Variants in TTC34 observed in about 807,000 individuals in gnomAD.
TTC34 encodes tetratricopeptide repeat protein 34.
A neutral mutation model predicts 40.7 loss-of-function variants in TTC34; 44 were observed. That is an observed-to-expected ratio of 1.08 (90% CI 0.85 to 1.39). The LOEUF is 1.39. Among genes scored for constraint, TTC34 ranks in the 40% most tolerant of loss-of-function variants. The pLI, the probability that TTC34 is intolerant of heterozygous loss-of-function variation, is 0.00. For synonymous variants in TTC34, 422 were observed against 398.6 expected, an observed-to-expected ratio of 1.06 and a Z score of -0.70; for missense variants, 884 against 838.0, an observed-to-expected ratio of 1.05 and a Z score of -0.68.
chr1:2,785,961 G>A, exon 5 of TTC34: 1 of 1,517,464 alleles, frequency 6.6e-7, no homozygotes, highest in Non-Finnish European at 8.9e-7. Flanking sequence ...CCTCGTGGCA[G>A]AAGACGTCCA....
Position 2,641,834 on chromosome 1 carries a change from T to C in TTC34, c.2774A>G (p.Tyr925Cys), listed in dbSNP as rs1279387781. The change falls in exon 9 of 9, where the codon TAC becomes TGC. Residue 925 changes from tyrosine to cysteine, a missense_variant. Coordinates refer to ENST00000401095, the Ensembl canonical transcript of TTC34. ...ACTGGCCAGGACAGACAGCGAACAGTAGCCCAGCGCCTGCCTGGGTTGCCC... is the reference window on the plus strand; with the variant it reads ...ACTGGCCAGGACAGACAGCGAACAGCAGCCCAGCGCCTGCCTGGGTTGCCC... The C allele has an allele frequency of 3.9e-6, 6 of 1,529,250 alleles. No individual in the cohort carries two copies. The South Asian group carries it at 4.8e-5, about 12-fold the overall frequency. 94.7% of individuals were successfully genotyped at this position (1,529,250 alleles called of 1,614,324 possible).
chr1:2,800,332 C>A (rs1388645028), exon 2 of TTC34: 2 of 398,444 alleles, frequency 5.0e-6, no homozygotes, highest in African/African-American at 2.1e-5. Flanking sequence ...GCGCTGGAGG[C>A]GAAGGCCTGG....
At chr1:2,750,192 C>A (rs1641268952) in intron 6 of TTC34, among the ~76,000 whole-genome samples, 2 of 149,952 alleles carry the variant, frequency 1.3e-5, no homozygotes, top group Admixed American at 6.6e-5. Context: ...CAGCCTGGGT[C>A]GGCACCCACA....
chr1:2,688,208 C>T (rs868134358), intron 6 of TTC34, among the ~76,000 whole-genome samples: 315 of 117,806 alleles, frequency 2.7e-3, no homozygotes, highest in Admixed American at 0.019. Context: ...GCACCCCACA[C>T]CCCCAGGGGA....
intron 6 of TTC34, among the ~76,000 whole-genome samples, chr1:2,673,379 T>A (rs1395480680): frequency 1.5e-5 from 1 of 68,198 alleles, no homozygotes; most frequent in East Asian, 3.3e-4. Context: ...TCTGAGGGCC[T>A]GGGTCGGCAC....
chr1:2,751,282 C>T lies in TTC34; in HGVS notation c.2226+32327G>A, dbSNP rs1360623399. Among the ~76,000 whole-genome samples the T allele has an allele frequency of 5.4e-4, 58 of 107,424 alleles. 2 individuals are homozygous for T. Among genetic ancestry groups the T allele is most frequent in the Middle Eastern group, 5.1e-3 (1 of 198 alleles). 70.5% of individuals were successfully genotyped at this position (107,424 alleles called of 152,430 possible). On this transcript the variant is annotated intron_variant, in intron 6 of 8. Coordinates refer to ENST00000401095, the Ensembl canonical transcript of TTC34. The stretch of plus-strand genomic sequence containing the variant: ...GCATCCGACAGCCTGGAACAGCACC[C>T]ACACACCCAGGTGAGCATCCGACAC...
chr1:2,749,948 TGGAACAGCACACACACCGCCA>T, intron 6 of TTC34, among the ~76,000 whole-genome samples: 1 of 57,282 alleles, frequency 1.7e-5, no homozygotes, highest in African/African-American at 1.0e-4. Context: ...TCTGACGGCC[TGGAACAGCACACACACCGCCA>T]GGTGAGCATT....
chr1:2,641,947 C>G, intron 8 of TTC34, 52 bp from the exon 9 acceptor site: 1 of 1,430,594 alleles, frequency 7.0e-7, no homozygotes, highest in East Asian at 2.5e-5. Flanking sequence ...GCCCCAAAAG[C>G]CCGGCCGCCC....
At chr1:2,674,807 G>A (rs1639834844) in intron 6 of TTC34, among the ~76,000 whole-genome samples, 2 of 92,578 alleles carry the variant, frequency 2.2e-5, no homozygotes, top group African/African-American at 3.5e-5. Flanking sequence ...ACAACCCCAA[G>A]TGAGCATCTG....
chr1:2,675,231 G>A (rs1198711544), intron 6 of TTC34, among the ~76,000 whole-genome samples: 1 of 124,836 alleles, frequency 8.0e-6, no homozygotes, highest in Non-Finnish European at 1.9e-5. Flanking sequence ...GCCTGGAACA[G>A]CACCCACAAC....
chr1:2,657,759 C>T (rs368607142), intron 6 of TTC34, among the ~76,000 whole-genome samples: 66 of 70,638 alleles, frequency 9.3e-4, no homozygotes, highest in Middle Eastern at 9.8e-3. Context: ...GAGCATCTGA[C>T]GGCCTGGAAC....
At chr1:2,639,411 AC>A (rs1638854918) in exon 9 of TTC34, 1 of 152,308 alleles carries the variant, frequency 6.6e-6, no homozygotes, top group African/African-American at 2.4e-5. Context: ...GGGGAAGGGC[AC>A]CCCTAGGGGA....
chr1:2,795,839 C>T (rs116424731), intron 2 of TTC34, among the ~76,000 whole-genome samples: 1,871 of 152,334 alleles, frequency 0.012, 38 homozygotes, highest in African/African-American at 0.038. Context: ...ATCTTGTCCT[C>T]ATACATCGTG....
At chr1:2,697,601 C>CA in intron 6 of TTC34, among the ~76,000 whole-genome samples, 1 of 148,260 alleles carries the variant, frequency 6.7e-6, no homozygotes, top group Non-Finnish European at 1.5e-5. Flanking sequence ...AAACAGCTCC[C>CA]ACAACCCCAG....
intron 6 of TTC34, among the ~76,000 whole-genome samples, chr1:2,777,505 G>C (rs1643276916): frequency 6.6e-6 from 1 of 152,200 alleles, no homozygotes; most frequent in Non-Finnish European, 1.5e-5. Context: ...TTTCCACCAG[G>C]TGAGCATATG....
chr1:2,691,682 C>T (rs564977296), intron 6 of TTC34, among the ~76,000 whole-genome samples: 2 of 88,210 alleles, frequency 2.3e-5, no homozygotes, highest in South Asian at 6.4e-4. Flanking sequence ...GAGCATCTGA[C>T]GGCCTGCAAC....
rs1638992535 is a variant in TTC34 at position 2,645,091 on chromosome 1, TA to T, written c.2497+201del. Among the ~76,000 whole-genome samples, 1 of 151,938 alleles carries T rather than the reference TA, an allele frequency of 6.6e-6. No individual in the cohort carries two copies. Among genetic ancestry groups the T allele is most frequent in the South Asian group, 2.1e-4 (1 of 4,822 alleles). On this transcript the variant is annotated intron_variant, in intron 7 of 8. Coordinates refer to ENST00000401095, the Ensembl canonical transcript of TTC34. This position sits in a 1 kb window ranked among gnomAD's most constrained non-coding sequence, Gnocchi z 4.7. ...CATTGCAAGCAAAGAGCCACCCGGGTAAAGCAGAGGAGAGCCTTTTGAACGC... is the reference window on the plus strand; with the variant it reads ...CATTGCAAGCAAAGAGCCACCCGGGTAAGCAGAGGAGAGCCTTTTGAACGC...
intron 6 of TTC34, among the ~76,000 whole-genome samples, chr1:2,687,486 A>C (rs1280666811): frequency 5.1e-3 from 178 of 35,046 alleles, no homozygotes; most frequent in East Asian, 0.018. Context: ...GCACCCACAC[A>C]CTCAGGCGAG....
chr1:2,797,402 C>T (rs1643719135), intron 2 of TTC34, among the ~76,000 whole-genome samples: 1 of 152,172 alleles, frequency 6.6e-6, no homozygotes, highest in African/African-American at 2.4e-5. Flanking sequence ...CTCGTGGCCC[C>T]ACTTCCTGCC....
Sources: gnomAD v4.1 joint callset for allele counts (sites outside exome capture counted in the v4.1 genomes callset) on GRCh38, gnomAD v4.1.1 for gene constraint, Gnocchi (gnomAD v3.1) non-coding constraint, MANE v1.5 for transcripts, NCBI Gene and HGNC (gene_info 2026-07-23, HGNC 2026-07-21) for gene names.